Variants in TSHR observed in about 807,000 individuals in gnomAD.
TSHR encodes thyroid stimulating hormone receptor.
Under a neutral mutation model 64.1 loss-of-function variants are expected in TSHR, and 51 were observed. The observed-to-expected ratio is 0.80, with a 90% CI of 0.64 to 1.01. TSHR has a LOEUF of 1.01. TSHR is among the 50% of genes least tolerant of loss of function. TSHR has a pLI of 0.00. For synonymous variants in TSHR, 361 were observed against 361.9 expected (o/e 1.00, Z 0.03); for missense variants, 877 against 942.8 (o/e 0.93, Z 0.91).
intron 1 of TSHR, among the ~76,000 whole-genome samples, chr14:81,047,833 A>G (rs1262773507): frequency 6.6e-6 from 1 of 152,024 alleles, no homozygotes; most frequent in Non-Finnish European, 1.5e-5. Context: ...TTTTTAGTTG[A>G]GACCGGGTTT....
chr14:81,102,905 A>G (rs768973403), intron 7 of TSHR: 21 of 985,380 alleles, frequency 2.1e-5, no homozygotes, highest in Non-Finnish European at 2.5e-5. Flanking sequence ...GAAAGTACAG[A>G]TCCAATCATA....
intron 8 of TSHR, among the ~76,000 whole-genome samples, chr14:81,110,668 CTGAT>C (rs1339422669): frequency 1.5e-4 from 23 of 152,304 alleles, no homozygotes; most frequent in African/African-American, 5.3e-4. Flanking sequence ...GCAAAAACAA[CTGAT>C]TGACATCAGA....
chr14:80,982,258 G>A (rs4903958), intron 1 of TSHR: 217,220 of 701,658 alleles, frequency 0.31, 35,688 homozygotes, highest in Admixed American at 0.37. Context: ...TTTCAGTCCC[G>A]AGGCTGGGAA....
At position 81,120,800 on chromosome 14, in the gene TSHR, A is replaced by G. The variant is rs916442938; in HGVS notation, c.692+12348A>G. Among the ~76,000 whole-genome samples the G allele has an allele frequency of 3.9e-5, 6 of 152,354 alleles. No homozygotes were observed. In the South Asian group the frequency reaches 1.2e-3, roughly 32 times the overall value. On this transcript the variant is annotated intron_variant, in intron 8 of 9. Transcript: ENST00000298171. ...CAGAAACAATGCAAGAACCAGAAGA[A>G]AACTTTCATGAAAGTTATAACAAAT...
intron 3 of TSHR, among the ~76,000 whole-genome samples, chr14:81,079,639 C>T (rs1224480836): frequency 6.6e-6 from 1 of 152,166 alleles, no homozygotes; most frequent in Non-Finnish European, 1.5e-5. Context: ...ATGGCTTGAG[C>T]CCAGGAGTTT....
chr14:81,143,917 C>G lies in TSHR; in HGVS notation c.1859C>G (p.Thr620Ser). ...CAGTACAACCCAGGGGACAAAGATA[C>G]CAAAATTGCCAAGAGGATGGCTGTG... ...NPQYNPGDKD[T>S]KIAKRMAVLI... The change falls in exon 10 of 10, where the codon ACC (threonine) becomes AGC (serine). Residue 620 changes from threonine (T) to serine (S), a missense_variant. Physicochemically the swap from Thr to Ser is moderately conservative, Grantham distance 58. Transcript: ENST00000298171. The G allele has an allele frequency of 6.2e-7, 1 of 1,614,210 alleles. No homozygotes were observed. Among genetic ancestry groups the G allele is most frequent in the East Asian group, 2.2e-5 (1 of 44,882 alleles).
At position 81,080,827 on chromosome 14, in the gene TSHR, G is replaced by T. The variant is rs140774651; in HGVS notation, c.318-7127G>T. On this transcript the variant is annotated intron_variant, in intron 3 of 9. Coordinates refer to ENST00000298171, the MANE Select transcript of TSHR (RefSeq NM_000369.5). ...AACAGTCAAGGCTTTAGAAACTAAG[G>T]TCTAATCTATACCAAGAGCTTTGAC... Among the ~76,000 whole-genome samples, 576 of 152,184 alleles carry T rather than the reference G, an allele frequency of 3.8e-3. 3 individuals carry two copies. Among genetic ancestry groups the T allele is most frequent in the Non-Finnish European group, 5.5e-3 (371 of 67,996 alleles).
chr14:81,009,253 T>C (rs1032125517), intron 1 of TSHR, among the ~76,000 whole-genome samples: 7 of 152,216 alleles, frequency 4.6e-5, no homozygotes, highest in Non-Finnish European at 1.0e-4. Flanking sequence ...ATGAAGTTTC[T>C]AGGGTTTCCA....
intron 1 of TSHR, chr14:81,013,531 A>G (rs1419245138): frequency 6.6e-6 from 1 of 152,222 alleles, no homozygotes; most frequent in Non-Finnish European, 1.5e-5. Context: ...GATAAACTAC[A>G]AAGATAAATA....
intron 8 of TSHR, among the ~76,000 whole-genome samples, chr14:81,129,759 A>C (rs1020424907): frequency 6.6e-6 from 1 of 152,170 alleles, no homozygotes; most frequent in African/African-American, 2.4e-5. Flanking sequence ...GTCTATGCCC[A>C]CATCCTTTCT....
chr14:81,064,301 G>T (rs74485690), intron 2 of TSHR, among the ~76,000 whole-genome samples: 5,641 of 152,160 alleles, frequency 0.037, 203 homozygotes, highest in African/African-American at 0.097. Context: ...AAATAAGGGA[G>T]GGCTGATCAA....
rs777308150 is a variant in TSHR at position 81,143,634 on chromosome 14, G to A, written c.1576G>A (p.Ala526Thr). 16 of 1,613,770 alleles carry A rather than the reference G, an allele frequency of 9.9e-6. No homozygotes were observed. The highest frequency in any genetic ancestry group is 6.7e-5 in the East Asian group (3 of 44,884). Residue 526 changes from alanine (A) to threonine (T), a missense_variant, in exon 10 of 10, where the codon GCC becomes ACC. Transcript: ENST00000298171. Reference protein sequence around the residue: ...TLERWYAITFAMRLDRKIRLR... With the variant: ...TLERWYAITFTMRLDRKIRLR... ...GGAGCGCTGGTATGCCATCACCTTCGCCATGCGCCTGGACCGGAAGATCCG... is the reference window on the plus strand; with the variant it reads ...GGAGCGCTGGTATGCCATCACCTTCACCATGCGCCTGGACCGGAAGATCCG...
At chr14:81,142,053 G>A (rs547435935) in intron 9 of TSHR, among the ~76,000 whole-genome samples, 14 of 152,116 alleles carry the variant, frequency 9.2e-5, no homozygotes, top group African/African-American at 2.9e-4. Context: ...ATTGAGCCAG[G>A]TTCCCACCAA....
At chr14:80,981,425 T>C (rs901603061) in intron 1 of TSHR, among the ~76,000 whole-genome samples, 2 of 152,042 alleles carry the variant, frequency 1.3e-5, no homozygotes, top group African/African-American at 4.8e-5. Context: ...GGAATCCAAG[T>C]GAGGAGCAGC....
At position 81,022,671 on chromosome 14, in the gene TSHR, A is replaced by G. The variant is rs192532083; in HGVS notation, c.171-39477A>G. Reference sequence around the variant, plus strand: ...CCCCATCTCTACTAAAAATACAAAAATTAGCCGGGCATGGTGGCACATACC... The same window carrying G: ...CCCCATCTCTACTAAAAATACAAAAGTTAGCCGGGCATGGTGGCACATACC... On this transcript the variant is annotated intron_variant, in intron 1 of 9. Coordinates refer to ENST00000298171, the MANE Select transcript of TSHR (RefSeq NM_000369.5). 3.1e-3 allele frequency among the ~76,000 whole-genome samples: 477 copies of G among 151,884 alleles called. 3 individuals are homozygous for G. The highest frequency in any genetic ancestry group is 5.6e-3 in the Non-Finnish European group (382 of 67,940).
chr14:80,991,390 T>C (rs1230213544), intron 1 of TSHR, among the ~76,000 whole-genome samples: 2 of 152,214 alleles, frequency 1.3e-5, no homozygotes, highest in Non-Finnish European at 2.9e-5. Context: ...CCAGCCCAGA[T>C]GTTCAATAAC....
At chr14:81,068,434 A>C in intron 3 of TSHR, 106 bp downstream of exon 3, 1 of 985,300 alleles carries the variant, frequency 1.0e-6, no homozygotes, top group Non-Finnish European at 1.6e-6. Flanking sequence ...ATTGTGAGTC[A>C]AAACTTCTGT....
intron 1 of TSHR, among the ~76,000 whole-genome samples, chr14:80,977,950 T>A (rs1887963116): frequency 6.6e-6 from 1 of 152,106 alleles, no homozygotes; most frequent in South Asian, 2.1e-4. Context: ...CAGTGTTCAA[T>A]TGCTTGTCAG....
At chr14:81,079,638 G>T (rs757730503) in intron 3 of TSHR, among the ~76,000 whole-genome samples, 32 of 152,208 alleles carry the variant, frequency 2.1e-4, no homozygotes, top group Admixed American at 4.6e-4. Context: ...GATGGCTTGA[G>T]CCCAGGAGTT....
Sources: allele counts gnomAD v4.1 joint callset (sites outside exome capture counted in the v4.1 genomes callset), GRCh38; gene constraint gnomAD v4.1.1; transcripts MANE v1.5; gene names NCBI Gene and HGNC (gene_info 2026-07-23, HGNC 2026-07-21).